The following SLIT3 variants were observed in gnomAD, a reference collection of about 807,000 sequenced individuals.
The protein encoded by SLIT3 is slit guidance ligand 3.
A neutral mutation model predicts 184.0 loss-of-function variants in SLIT3; 68 were observed. The ratio of observed to expected loss-of-function variants is 0.37; its 90% CI spans 0.30 to 0.45. The LOEUF is 0.45. SLIT3 is among the 20% of genes least tolerant of loss of function. SLIT3 has a pLI of 1.00. For missense variants in SLIT3, 1,707 were observed against 2,026.0 expected (o/e 0.84, Z 3.02); for synonymous variants, 831 against 828.6 (o/e 1.00, Z -0.05).
chr5:169,091,623 A>G (rs1581401037), intron 4 of SLIT3, among the ~76,000 whole-genome samples: 1 of 152,210 alleles, frequency 6.6e-6, no homozygotes, highest in South Asian at 2.1e-4. Flanking sequence ...GCAGTCGTCA[A>G]GAGGAATGAG....
chr5:169,038,872 C>A (rs1164109373), intron 4 of SLIT3, among the ~76,000 whole-genome samples: 1 of 152,076 alleles, frequency 6.6e-6, no homozygotes, highest in Non-Finnish European at 1.5e-5. Context: ...GCAAAGACCA[C>A]CATAAAATAA....
intron 3 of SLIT3, among the ~76,000 whole-genome samples, chr5:169,205,007 T>C (rs1445674887): frequency 1.3e-5 from 2 of 152,128 alleles, no homozygotes; most frequent in Admixed American, 1.3e-4. Flanking sequence ...GTTAGGGCGT[T>C]TCCAGGCAAC....
At chr5:168,681,374 A>G (rs1761585421) in intron 32 of SLIT3, among the ~76,000 whole-genome samples, 1 of 152,214 alleles carries the variant, frequency 6.6e-6, no homozygotes, top group Non-Finnish European at 1.5e-5. Flanking sequence ...GTGAGAGTGT[A>G]CTAATGGCAA....
intron 12 of SLIT3, among the ~76,000 whole-genome samples, chr5:168,783,538 C>G (rs1756048016): frequency 6.6e-6 from 1 of 152,156 alleles, no homozygotes; most frequent in Admixed American, 6.5e-5. Context: ...GTGGCAGAGG[C>G]AGTTCAGCTT....
intron 4 of SLIT3, chr5:169,036,228 C>G (rs1757241503): frequency 6.6e-6 from 1 of 152,220 alleles, no homozygotes. Context: ...TGGTTTCCAG[C>G]AGTCCCTGAA....
intron 1 of SLIT3, among the ~76,000 whole-genome samples, chr5:169,256,127 C>A (rs748145954): frequency 1.3e-5 from 2 of 151,860 alleles, no homozygotes; most frequent in Admixed American, 1.3e-4. Flanking sequence ...TATACCGTAT[C>A]TTTATTTTTG....
intron 3 of SLIT3, among the ~76,000 whole-genome samples, chr5:169,229,875 G>A (rs1764938722): frequency 6.6e-6 from 1 of 152,116 alleles, no homozygotes; most frequent in South Asian, 2.1e-4. Context: ...AAAAATTAAG[G>A]GGGAAGGAGT....
chr5:169,024,116 C>G lies in SLIT3; in HGVS notation c.414-140780G>C, dbSNP rs1037333838. ...GAAAGGTGAAGAACATGCCAGTCACCCAGCTGCTAAGCCTCTGAGCCAGGA... is the reference window on the plus strand; with the variant it reads ...GAAAGGTGAAGAACATGCCAGTCACGCAGCTGCTAAGCCTCTGAGCCAGGA... On this transcript the variant is annotated intron_variant, in intron 4 of 35. Coordinates refer to ENST00000519560, the MANE Select transcript of SLIT3 (RefSeq NM_003062.4). 1.8e-4 allele frequency: 27 copies of G among 152,188 alleles called. 1 individual carries two copies. Among genetic ancestry groups the G allele is most frequent in the Admixed American group, 9.8e-4 (15 of 15,280 alleles). The allele number at this position is 152,188 out of a possible 1,614,324, so 9.4% of individuals were successfully genotyped here. A position where few individuals can be genotyped will look rare whatever the true frequency, so the allele number is the denominator to read the frequency against.
At chr5:168,774,421 A>C (rs567927932) in intron 12 of SLIT3, 43 bp from the exon 13 acceptor site, 16 of 1,571,570 alleles carry the variant, frequency 1.0e-5, no homozygotes, top group African/African-American at 2.7e-5. Flanking sequence ...AATCCTGGTA[A>C]TTACCTGCGG....
Position 169,300,523 on chromosome 5 carries a change from C to T in SLIT3, c.187G>A (p.Ala63Thr). The T allele has an allele frequency of 6.6e-7, 1 of 1,505,488 alleles. No individual in the cohort carries two copies. The highest frequency in any genetic ancestry group is 8.8e-7 in the Non-Finnish European group (1 of 1,130,072). The allele number at this position is 1,505,488 out of a possible 1,614,324, so 93.3% of individuals were successfully genotyped here. A position where few individuals can be genotyped will look rare whatever the true frequency, so the allele number is the denominator to read the frequency against. ...RAVPRGIPRN[A>T]ERLDLDRNNI... ...GGCAGGGGTACTCACAGGCGCTCAG[C>T]GTTGCGGGGGATGCCCCGAGGAACC... Residue 63 changes from alanine (A) to threonine (T), a missense_variant, in exon 1 of 36, where the codon GCT (alanine) becomes ACT (threonine). Ala to Thr is a moderately conservative substitution (Grantham distance 58). Coordinates refer to ENST00000519560, the MANE Select transcript of SLIT3 (RefSeq NM_003062.4). This position sits in a 1 kb window ranked among gnomAD's most constrained non-coding sequence, Gnocchi z 4.1.
intron 5 of SLIT3, among the ~76,000 whole-genome samples, chr5:168,875,063 G>A (rs772329971): frequency 3.0e-5 from 3 of 100,634 alleles, no homozygotes; most frequent in Non-Finnish European, 6.9e-5. Context: ...AAGAAAGGAA[G>A]GAAAGAAGGG....
At chr5:168,700,451 C>T (rs567604231) in intron 27 of SLIT3, 131 bp downstream of exon 27, 1 of 682,038 alleles carries the variant, frequency 1.5e-6, no homozygotes, top group South Asian at 1.8e-5. Context: ...GATTGTGAGG[C>T]TTCCCAGCCA....
intron 4 of SLIT3, among the ~76,000 whole-genome samples, chr5:169,030,026 A>G (rs1432901): frequency 0.11 from 16,242 of 152,196 alleles, 1,553 homozygotes; most frequent in African/African-American, 0.26. Flanking sequence ...TTTTGGAAAG[A>G]GGGGAGCTAC....
chr5:168,884,946 A>G (rs1760137735), intron 4 of SLIT3, among the ~76,000 whole-genome samples: 1 of 152,098 alleles, frequency 6.6e-6, no homozygotes, highest in Non-Finnish European at 1.5e-5. Context: ...TGATTTTCCA[A>G]GGGCACCTAA....
At chr5:169,010,203 T>G (rs191587232) in intron 4 of SLIT3, among the ~76,000 whole-genome samples, 1 of 152,206 alleles carries the variant, frequency 6.6e-6, no homozygotes. Flanking sequence ...CCAGAGGTGA[T>G]TTGGCAGCAA....
At chr5:168,700,824 A>T (rs1179769452) in intron 26 of SLIT3, 145 bp from the exon 27 acceptor site, 2 of 632,028 alleles carry the variant, frequency 3.2e-6, no homozygotes, top group South Asian at 1.9e-5. Flanking sequence ...CTGCTGTGTG[A>T]CTTGGAGCCC....
At chr5:168,917,677 G>A (rs1761488758) in intron 4 of SLIT3, among the ~76,000 whole-genome samples, 1 of 152,106 alleles carries the variant, frequency 6.6e-6, no homozygotes, top group Admixed American at 6.5e-5. Flanking sequence ...AAAACACAAA[G>A]CCAGTATTGC....
intron 1 of SLIT3, among the ~76,000 whole-genome samples, chr5:169,284,234 G>A (rs1767083855): frequency 6.6e-6 from 1 of 152,232 alleles, no homozygotes; most frequent in Non-Finnish European, 1.5e-5. Flanking sequence ...GATCTCTAGG[G>A]TCAAAAGCCA....
At chr5:168,778,981 T>C (rs1360771717) in intron 12 of SLIT3, among the ~76,000 whole-genome samples, 5 of 152,124 alleles carry the variant, frequency 3.3e-5, no homozygotes, top group African/African-American at 7.2e-5. Context: ...GGAGATCATA[T>C]AAATGAAAAG....
Sources: allele counts gnomAD v4.1 joint callset (sites outside exome capture counted in the v4.1 genomes callset), GRCh38; gene constraint gnomAD v4.1.1; non-coding constraint Gnocchi (gnomAD v3.1); transcripts MANE v1.5; gene names NCBI Gene and HGNC (gene_info 2026-07-23, HGNC 2026-07-21).